DNASE1L1: variants seen among roughly 807,000 people sequenced by gnomAD.
DNASE1L1 encodes the protein deoxyribonuclease 1 like 1, also known as deoxyribonuclease-1-like 1.
Under a neutral mutation model 18.6 loss-of-function variants are expected in DNASE1L1, and 8 were observed. The ratio of observed to expected loss-of-function variants is 0.43; its 90% CI spans 0.25 to 0.78. DNASE1L1 has a LOEUF of 0.78. DNASE1L1 is among the 30% of genes least tolerant of loss of function. The pLI, the probability that DNASE1L1 is intolerant of heterozygous loss-of-function variation, is 0.23. For missense variants in DNASE1L1, 214 were observed against 258.2 expected (o/e 0.83, Z 1.17); for synonymous variants, 114 against 114.2 (o/e 1.00, Z 0.01).
At chrX:154,404,133 A>G (rs1426879708) in intron 4 of DNASE1L1, among the ~76,000 whole-genome samples, 1 of 102,823 alleles carries the variant, frequency 9.7e-6, no homozygotes, top group Non-Finnish European at 2.0e-5. Flanking sequence ...ACATTTGGAC[A>G]CTTTGATGTC....
chrX:154,411,562 C>T, upstream of DNASE1L1: 1 of 387,598 alleles, frequency 2.6e-6, no homozygotes, highest in Non-Finnish European at 4.7e-6. Flanking sequence ...TGCACCGGGC[C>T]GGGGTGCCAG....
At position 154,405,067 on chromosome X, in the gene DNASE1L1, T is replaced by C. The variant is rs782750958; in HGVS notation, c.152A>G (p.Asp51Gly). The C allele has an allele frequency of 8.3e-7, 1 of 1,210,640 alleles. No individual in the cohort carries two copies. Among genetic ancestry groups the C allele is most frequent in the East Asian group, 3.0e-5 (1 of 33,818 alleles). ...CACCACCTCCTGCAGCACCATGATG[T>C]CACAGCGAGCCAGTATCTGTGGGAC... is the stretch of plus-strand genomic sequence containing the variant. ...DTLVRILARC[D>G]IMVLQEVVDS... The change falls in exon 3 of 8, where the codon GAC becomes GGC. Residue 51 changes from aspartate to glycine, a missense_variant. By Grantham distance (94) the Asp-to-Gly change is moderately conservative. Transcript: ENST00000369807.
In DNASE1L1 at chrX:154,404,403, G is replaced by A. The variant is rs782419988; in HGVS notation, c.311+425C>T. Among the ~76,000 whole-genome samples the A allele has an allele frequency of 2.7e-5, 3 of 111,064 alleles. No individual in the cohort carries two copies. The South Asian group carries it at 1.1e-3, about 42-fold the overall frequency. ...GTTCTCCTTCCCTGCAGCCTCCCTT[G>A]CCCTCTGGATCCTGACTCCAAAGGG... On this transcript the variant is annotated intron_variant, in intron 4 of 7. Coordinates refer to ENST00000369807, the MANE Select transcript of DNASE1L1 (RefSeq NM_001303620.2).
upstream of DNASE1L1, chrX:154,411,767 G>C: frequency 1.1e-6 from 1 of 949,609 alleles, no homozygotes; most frequent in Non-Finnish European, 1.5e-6. Flanking sequence ...TGTCTCGAGC[G>C]GTCGAGGTCG....
upstream of DNASE1L1, chrX:154,411,453 C>T (rs782093042): frequency 5.3e-5 from 11 of 205,663 alleles, no homozygotes; most frequent in East Asian, 1.5e-3. Context: ...GGCCACTTCC[C>T]GCCGCCCCGG....
At chrX:154,404,681 A>G in intron 4 of DNASE1L1, 147 bp downstream of exon 4, 1 of 531,396 alleles carries the variant, frequency 1.9e-6, no homozygotes, top group Non-Finnish European at 3.1e-6. Context: ...AGAGCCCAGA[A>G]TAAAAGGTGT....
chrX:154,408,934 C>T, intron 1 of DNASE1L1, 178 bp downstream of exon 1: 1 of 220,318 alleles, frequency 4.5e-6, no homozygotes, highest in African/African-American at 2.9e-5. Flanking sequence ...GCGTCAGGGA[C>T]CCCCATGAGG....
chrX:154,405,973 ATTT>A (rs1362626540), intron 1 of DNASE1L1, among the ~76,000 whole-genome samples: 2 of 99,777 alleles, frequency 2.0e-5, no homozygotes, highest in Admixed American at 1.1e-4. Context: ...ATATGTCAGA[ATTT>A]TTTTTTTTTT....
At chrX:154,402,877 G>T (rs782382312) in intron 7 of DNASE1L1, 36 bp from the exon 8 acceptor site, 1 of 1,204,071 alleles carries the variant, frequency 8.3e-7, no homozygotes, top group Non-Finnish European at 1.1e-6. Flanking sequence ...CAGTGCCCGG[G>T]GCCGAGGGGC....
intron 3 of DNASE1L1, 23 bp downstream of exon 3, chrX:154,404,972 T>A (rs2068119519): frequency 8.3e-7 from 1 of 1,205,509 alleles, no homozygotes; most frequent in South Asian, 1.8e-5. Context: ...TGCCCCTGAT[T>A]AGACCCACAG....
rs1482833340 is a variant in DNASE1L1 at position 154,401,442 on chromosome X, C to T, written c.*1265G>A. The stretch of plus-strand genomic sequence containing the variant: ...CCACCCCTTCTAGAACCTGCATTCC[C>T]AGGGCCTTCACCACCTGACCAAAGG... On this transcript the variant is annotated 3_prime_UTR_variant, in exon 8 of 8. Coordinates refer to ENST00000369807, the MANE Select transcript of DNASE1L1 (RefSeq NM_001303620.2). The T allele has an allele frequency of 7.4e-6, 1 of 135,860 alleles. No individual in the cohort carries two copies. Among genetic ancestry groups the T allele is most frequent in the Non-Finnish European group, 1.5e-5 (1 of 67,277 alleles). The allele number at this position is 135,860 out of a possible 1,213,427, so 11.2% of individuals were successfully genotyped here.
chrX:154,412,066 G>T (rs782395274), upstream of DNASE1L1: 10 of 1,209,906 alleles, frequency 8.3e-6, no homozygotes, highest in African/African-American at 1.7e-5. Flanking sequence ...CGGAGCGCCT[G>T]ACTTCTCCTT....
At chrX:154,404,381 C>A (rs2068109619) in intron 4 of DNASE1L1, among the ~76,000 whole-genome samples, 1 of 111,230 alleles carries the variant, frequency 9.0e-6, no homozygotes, top group Non-Finnish European at 1.9e-5. Flanking sequence ...AGAATCAGTT[C>A]TCCTTCCCTG....
In DNASE1L1 at chrX:154,404,979, A is replaced by G. The variant is rs782086533; in HGVS notation, c.224+16T>C. ...TCTGGGTGTGCCCCTGATTAGACCC[A>G]CAGAATCTTCCTCACCGATTGAGTT... On this transcript the variant is annotated intron_variant, in intron 3 of 7. Coordinates refer to ENST00000369807, the MANE Select transcript of DNASE1L1 (RefSeq NM_001303620.2). 8.3e-7 allele frequency: 1 copy of G among 1,207,411 alleles called. No homozygotes were observed. Among genetic ancestry groups the G allele is most frequent in the African/African-American group, 1.7e-5 (1 of 57,459 alleles).
At chrX:154,411,590 C>A (rs2148181957), upstream of DNASE1L1, 1 of 425,531 alleles carries the variant, frequency 2.4e-6, no homozygotes, top group East Asian at 5.3e-5. Flanking sequence ...CTTCCCGTTT[C>A]CTCCCGTTCC....
chrX:154,412,038 C>G (rs782302266), upstream of DNASE1L1: 5 of 1,206,130 alleles, frequency 4.1e-6, no homozygotes, highest in Non-Finnish European at 3.4e-6. Flanking sequence ...GCCGCGGCCC[C>G]GACCTAGCGG....
In DNASE1L1 at chrX:154,401,508, CAG is replaced by C. The variant is rs2068033972; in HGVS notation, c.*1197_*1198del. ...GGTCATTTGTAACAAGACCTCGGAA[CAG>C]ACACGTGTGTGGCATGGTTTGGCCT... On this transcript the variant is annotated 3_prime_UTR_variant, in exon 8 of 8. Transcript: ENST00000369807. The C allele has an allele frequency of 8.3e-6, 1 of 121,193 alleles. No homozygotes were observed. The highest frequency in any genetic ancestry group is 1.7e-5 in the Non-Finnish European group (1 of 58,197). 10.0% of individuals were successfully genotyped at this position (121,193 alleles called of 1,213,427 possible).
In DNASE1L1 at chrX:154,402,615, G is replaced by A. The variant is rs2068065458; in HGVS notation, c.*92C>T. The A allele has an allele frequency of 6.6e-6, 6 of 909,873 alleles. No homozygotes were observed. The South Asian group carries it at 1.5e-4, about 23-fold the overall frequency. The allele number at this position is 909,873 out of a possible 1,213,427, so 75.0% of individuals were successfully genotyped here. A position where few individuals can be genotyped will look rare whatever the true frequency, so the allele number is the denominator to read the frequency against. On this transcript the variant is annotated 3_prime_UTR_variant, in exon 8 of 8. Transcript: ENST00000369807. ...GGACTACAGTCACAGGGCAACTATA[G>A]TTGAAGCCCCCCAGCCCCAGGGCTG...
At chrX:154,404,308 G>C (rs1407963132) in intron 4 of DNASE1L1, among the ~76,000 whole-genome samples, 1 of 110,301 alleles carries the variant, frequency 9.1e-6, no homozygotes, top group Non-Finnish European at 1.9e-5. Context: ...ATGAGCCACT[G>C]TACCCTGCCT....
Sources: gnomAD v4.1 joint callset for allele counts (sites outside exome capture counted in the v4.1 genomes callset) on GRCh38, gnomAD v4.1.1 for gene constraint, MANE v1.5 for transcripts, NCBI Gene and HGNC (gene_info 2026-07-23, HGNC 2026-07-21) for gene names.